MAP3K15: variants seen among roughly 807,000 people sequenced by gnomAD.
MAP3K15 encodes mitogen-activated protein kinase kinase kinase 15.
In MAP3K15, 124 loss-of-function variants were observed where a neutral mutation model predicts 99.5. The ratio of observed to expected loss-of-function variants is 1.25; its 90% CI spans 1.08 to 1.45. MAP3K15 has a LOEUF of 1.45. Ranked by LOEUF, MAP3K15 falls within the 40% of genes most tolerant of loss-of-function variation. The pLI, the probability that MAP3K15 is intolerant of heterozygous loss-of-function variation, is 0.00. For synonymous variants in MAP3K15, 494 were observed against 439.6 expected, an observed-to-expected ratio of 1.12 and a Z score of -1.55; for missense variants, 1,242 against 1,079.7, an observed-to-expected ratio of 1.15 and a Z score of -2.11.
Position 19,389,300 on chromosome X carries a change from C to CT in MAP3K15, c.2431+2701dup, listed in dbSNP as rs1364222608. Among the ~76,000 whole-genome samples, 18 of 79,778 alleles carry CT rather than the reference C, an allele frequency of 2.3e-4. No individual in the cohort carries two copies. In the East Asian group the frequency reaches 5.9e-3, roughly 26 times the overall value. 69.3% of individuals were successfully genotyped at this position (79,778 alleles called of 115,157 possible). ...TGTCAGCTATACCTCGATAAGGCTG[C>CT]TAAAAAAAAAAAAAAAAAAAAGGCA... On this transcript the variant is annotated intron_variant, in intron 18 of 28. Coordinates refer to ENST00000338883, the MANE Select transcript of MAP3K15 (RefSeq NM_001001671.4).
At chrX:19,465,670 C>G (rs893524877) in intron 3 of MAP3K15, among the ~76,000 whole-genome samples, 3 of 110,201 alleles carry the variant, frequency 2.7e-5, no homozygotes, top group South Asian at 3.9e-4. Flanking sequence ...AGGAGAATCA[C>G]TTGAACCCAG....
chrX:19,393,369 G>A (rs1211474854), intron 16 of MAP3K15, among the ~76,000 whole-genome samples: 1 of 112,216 alleles, frequency 8.9e-6, no homozygotes, highest in Non-Finnish European at 1.9e-5. Context: ...GGTGGCTCAC[G>A]CCTGTAATCC....
At chrX:19,426,441 A>G in intron 7 of MAP3K15, 98 bp from the exon 8 acceptor site, 1 of 491,820 alleles carries the variant, frequency 2.0e-6, no homozygotes, top group Non-Finnish European at 3.0e-6. Context: ...TTCTTTCTCT[A>G]AATTTGTTGT....
chrX:19,439,085 C>T (rs910802780), intron 6 of MAP3K15, among the ~76,000 whole-genome samples: 5 of 111,389 alleles, frequency 4.5e-5, no homozygotes, highest in Non-Finnish European at 7.5e-5. Flanking sequence ...TAATCCTAGC[C>T]AGTCGGGAGT....
At chrX:19,462,501 C>T (rs933708670) in intron 4 of MAP3K15, among the ~76,000 whole-genome samples, 1 of 111,508 alleles carries the variant, frequency 9.0e-6, no homozygotes, top group Admixed American at 9.5e-5. Flanking sequence ...TAGGTTAGCC[C>T]GATAAGTAAA....
intron 3 of MAP3K15, among the ~76,000 whole-genome samples, chrX:19,484,935 C>T (rs1424892655): frequency 1.8e-5 from 2 of 111,584 alleles, no homozygotes; most frequent in African/African-American, 6.5e-5. Context: ...AGAGACAGGG[C>T]TGCGGCTACA....
In MAP3K15 at chrX:19,398,369, G is replaced by GA. The variant is rs768696553; in HGVS notation, c.1933-11dup. Reference sequence around the variant, plus strand: ...CATGGTCATACTCATACTGAAGAAGGAAAAACAAAAGGACAAAAAAGCATA... The same window carrying GA: ...CATGGTCATACTCATACTGAAGAAGGAAAAAACAAAAGGACAAAAAAGCATA... On this transcript the variant is annotated splice_polypyrimidine_tract_variant and intron_variant, in intron 14 of 28. Coordinates refer to ENST00000338883, the MANE Select transcript of MAP3K15 (RefSeq NM_001001671.4). 1.2e-5 allele frequency: 14 copies of GA among 1,207,311 alleles called. No homozygotes were observed. In the African/African-American group the frequency reaches 2.3e-4, roughly 20 times the overall value.
intron 4 of MAP3K15, among the ~76,000 whole-genome samples, chrX:19,460,934 C>G (rs2064129061): frequency 9.2e-6 from 1 of 108,624 alleles, no homozygotes; most frequent in African/African-American, 3.4e-5. Context: ...GCCACTACAC[C>G]TGGCTAATTT....
intron 18 of MAP3K15, among the ~76,000 whole-genome samples, chrX:19,388,940 A>G (rs1043629565): frequency 2.7e-5 from 3 of 112,192 alleles, no homozygotes; most frequent in African/African-American, 9.7e-5. Context: ...TCTCCACACA[A>G]TGGAATGCCA....
chrX:19,379,326 A>T (rs756037640), intron 19 of MAP3K15, among the ~76,000 whole-genome samples: 106 of 106,252 alleles, frequency 1.0e-3, no homozygotes, highest in African/African-American at 3.5e-3. Flanking sequence ...ATCTTTTATT[A>T]ATGTTTTCAT....
chrX:19,381,427 G>A (rs2063457549), intron 18 of MAP3K15, among the ~76,000 whole-genome samples: 1 of 112,202 alleles, frequency 8.9e-6, no homozygotes, highest in Non-Finnish European at 1.9e-5. Context: ...TCCCACCTGG[G>A]TTCTAGCACC....
At chrX:19,442,160 A>C (rs2063963879) in intron 6 of MAP3K15, among the ~76,000 whole-genome samples, 1 of 111,002 alleles carries the variant, frequency 9.0e-6, no homozygotes, top group Non-Finnish European at 1.9e-5. Flanking sequence ...TTTAGCAGAC[A>C]CCAGGGATTC....
chrX:19,411,478 C>T (rs1039393999), intron 11 of MAP3K15, among the ~76,000 whole-genome samples: 1 of 112,720 alleles, frequency 8.9e-6, no homozygotes, highest in African/African-American at 3.2e-5. Flanking sequence ...CACAAAGTTC[C>T]TGCCCTCATG....
At chrX:19,444,935 T>C (rs1287827715) in intron 6 of MAP3K15, among the ~76,000 whole-genome samples, 1 of 110,206 alleles carries the variant, frequency 9.1e-6, no homozygotes, top group Non-Finnish European at 1.9e-5. Context: ...CCTGGGAGTG[T>C]CCCACCCCCA....
intron 3 of MAP3K15, among the ~76,000 whole-genome samples, chrX:19,476,355 C>T (rs145444415): frequency 1.2e-3 from 138 of 111,484 alleles, no homozygotes; most frequent in African/African-American, 3.9e-3. Context: ...TAGTGAAAAC[C>T]GCAACTGAAA....
intron 1 of MAP3K15, among the ~76,000 whole-genome samples, chrX:19,508,024 T>C (rs188141053): frequency 1.8e-3 from 190 of 106,636 alleles, no homozygotes; most frequent in African/African-American, 6.2e-3. Flanking sequence ...CCCGCCACCA[T>C]GCCTGGCTAA....
chrX:19,379,170 G>A (rs781100011), intron 19 of MAP3K15, among the ~76,000 whole-genome samples: 4 of 110,693 alleles, frequency 3.6e-5, no homozygotes, highest in East Asian at 2.8e-4. Context: ...TGAGATATAC[G>A]TGAATCTTTT....
chrX:19,460,761 G>GT (rs372618461), intron 4 of MAP3K15, among the ~76,000 whole-genome samples: 1,168 of 97,982 alleles, frequency 0.012, 12 homozygotes, highest in African/African-American at 0.036. Context: ...TTGTTTTTTT[G>GT]TTTTTTTTTT....
chrX:19,504,413 G>T (rs1367694083), intron 1 of MAP3K15, among the ~76,000 whole-genome samples: 1 of 110,776 alleles, frequency 9.0e-6, no homozygotes, highest in African/African-American at 3.3e-5. Context: ...GAGGGCCCAA[G>T]GGATATGAAG....
Sources: gnomAD v4.1 joint callset for allele counts (sites outside exome capture counted in the v4.1 genomes callset) on GRCh38, gnomAD v4.1.1 for gene constraint, MANE v1.5 for transcripts, NCBI Gene and HGNC (gene_info 2026-07-23, HGNC 2026-07-21) for gene names.